Variants in SCN10A observed in about 807,000 individuals in gnomAD.
SCN10A encodes the protein sodium channel protein type 10 subunit alpha.
A neutral mutation model predicts 170.7 loss-of-function variants in SCN10A; 162 were observed. The ratio of observed to expected loss-of-function variants is 0.95; its 90% confidence interval spans 0.84 to 1.08. The LOEUF (loss-of-function observed/expected upper bound fraction) is 1.08. Ranked by LOEUF, SCN10A falls within the 50% of genes least tolerant of loss-of-function variation. The pLI is 0.00. For synonymous variants in SCN10A, 985 were observed against 904.6 expected (o/e 1.09, Z -1.59); for missense variants, 2,527 against 2,436.9 (o/e 1.04, Z -0.78).
At chr3:38,789,416 A>T (rs563577745) in intron 3 of SCN10A, among the ~76,000 whole-genome samples, 1 of 152,182 alleles carries the variant, frequency 6.6e-6, no homozygotes, top group Non-Finnish European at 1.5e-5. Context: ...CCTTTTCCAA[A>T]ATGTCCTTCT....
At chr3:38,731,196 T>G (rs2063510183) in intron 15 of SCN10A, among the ~76,000 whole-genome samples, 1 of 152,196 alleles carries the variant, frequency 6.6e-6, no homozygotes, top group South Asian at 2.1e-4. Context: ...GAATACTATC[T>G]TCACTGAAGG....
rs267599801 is a variant in SCN10A, at chr3:38,718,825, G to A, written c.3509C>T (p.Ala1170Val). 3 of 1,613,802 alleles carry A rather than the reference G, an allele frequency of 1.9e-6. No individual in the cohort carries two copies. The highest frequency in any genetic ancestry group is 1.1e-5 in the South Asian group (1 of 91,010). Reference sequence around the variant, plus strand: ...CTGGTCCAGGTAATAGTCTTCAAAGGCCTGGAAGGAAGAAAGGATGCAGAA... The same window carrying A: ...CTGGTCCAGGTAATAGTCTTCAAAGACCTGGAAGGAAGAAAGGATGCAGAA... ...FMILLSSGSL[A>V]FEDYYLDQKP... The change falls in exon 21 of 28, where the codon GCC becomes GTC. Residue 1170 changes from alanine to valine, a missense_variant and splice_region_variant. Transcript: ENST00000449082.
chr3:38,726,888 G>A lies in SCN10A; in HGVS notation c.2805C>T (p.Ser935=). Residue 935 remains serine, a synonymous_variant, in exon 17 of 28, where the codon TCC becomes TCT. Coordinates refer to ENST00000449082, the MANE Select transcript of SCN10A (RefSeq NM_006514.4). Reference sequence around the variant, plus strand: ...CTGCCTTGGGCTGGGGGAATGGGCAGGACCTGCTGAAGAAGCTGCAAAGAG... The same window carrying A: ...CTGCCTTGGGCTGGGGGAATGGGCAAGACCTGCTGAAGAAGCTGCAAAGAG... ...KQALCSFFSR[S]CPFPQPKAEP... is the part of the protein sequence containing the mutation. The A allele has an allele frequency of 6.2e-7, 1 of 1,614,236 alleles. No individual in the cohort carries two copies. Among genetic ancestry groups the A allele is most frequent in the Non-Finnish European group, 8.5e-7 (1 of 1,180,048 alleles).
intron 1 of SCN10A, among the ~76,000 whole-genome samples, chr3:38,802,850 G>T (rs991001925): frequency 6.6e-6 from 1 of 152,150 alleles, no homozygotes; most frequent in Non-Finnish European, 1.5e-5. Flanking sequence ...ACTACCATCA[G>T]AGTGAACAGG....
chr3:38,749,981 C>A (rs920314201), intron 13 of SCN10A, 92 bp downstream of exon 13: 2 of 664,174 alleles, frequency 3.0e-6, no homozygotes, highest in East Asian at 2.7e-5. Context: ...CAGAGATGGA[C>A]GCTTTGACAC....
chr3:38,791,932 T>G, intron 3 of SCN10A, 118 bp downstream of exon 3: 2 of 1,333,172 alleles, frequency 1.5e-6, no homozygotes, highest in South Asian at 1.4e-5. Context: ...AATGACCTCA[T>G]TGTACTTTTG....
chr3:38,702,164 A>T, intron 26 of SCN10A, 55 bp from the exon 27 acceptor site: 1 of 1,499,754 alleles, frequency 6.7e-7, no homozygotes, highest in African/African-American at 1.4e-5. Context: ...CAAACCAGGC[A>T]TCTGTGTTAT....
intron 4 of SCN10A, among the ~76,000 whole-genome samples, 192 bp downstream of exon 4, chr3:38,788,763 CT>C (rs2064241469): frequency 6.6e-6 from 1 of 152,076 alleles, no homozygotes; most frequent in Non-Finnish European, 1.5e-5. Flanking sequence ...CTCTTTGAAA[CT>C]GAAAATCATG....
intron 4 of SCN10A, among the ~76,000 whole-genome samples, chr3:38,777,429 T>C (rs1322126839): frequency 6.6e-6 from 1 of 151,958 alleles, no homozygotes; most frequent in Non-Finnish European, 1.5e-5. Flanking sequence ...TTATAAAATG[T>C]AGAAAAATAT....
intron 5 of SCN10A, 43 bp downstream of exon 5, chr3:38,771,236 C>T: frequency 6.2e-7 from 1 of 1,604,402 alleles, no homozygotes; most frequent in Non-Finnish European, 8.5e-7. Context: ...CATTTTGTCC[C>T]CTCTCCTATC....
rs2063867491 is a variant in SCN10A, at chr3:38,761,268, C to T, written c.807G>A (p.Lys269=). Reference sequence around the variant, plus strand: ...TGACACATTTATTTTTGAGGTTGCCCTTGAAGAGTTGCAGCCCCACCAAGG... The same window carrying T: ...TGACACATTTATTTTTGAGGTTGCCTTTGAAGAGTTGCAGCCCCACCAAGG... ...VFALVGLQLF[K]GNLKNKCVKN... The change falls in exon 7 of 28, where the codon AAG becomes AAA. Residue 269 remains lysine, a synonymous_variant. Coordinates refer to ENST00000449082, the MANE Select transcript of SCN10A (RefSeq NM_006514.4). 2 of 1,613,942 alleles carry T rather than the reference C, an allele frequency of 1.2e-6. No homozygotes were observed. Among genetic ancestry groups the T allele is most frequent in the East Asian group, 4.5e-5 (2 of 44,872 alleles).
In SCN10A at chr3:38,713,918, G is replaced by A. The variant is rs201574155; in HGVS notation, c.3804+40C>T. ...GCTGGGATTACAGGCATGAACCACC[G>A]TGCCTGGCCAGATGAGAGAAGTTTT... On this transcript the variant is annotated intron_variant, in intron 22 of 27. Transcript: ENST00000449082. 6.2e-6 allele frequency: 10 copies of A among 1,609,398 alleles called. No individual in the cohort carries two copies. The South Asian group carries it at 8.8e-5, about 14-fold the overall frequency.
intron 1 of SCN10A, among the ~76,000 whole-genome samples, chr3:38,798,846 G>A (rs1227480038): frequency 1.4e-5 from 2 of 140,440 alleles, no homozygotes; most frequent in East Asian, 4.3e-4. Context: ...CTGGAGTGCA[G>A]TGGCACAATC....
At chr3:38,725,107 C>T in intron 18 of SCN10A, 67 bp downstream of exon 18, 1 of 1,445,958 alleles carries the variant, frequency 6.9e-7, no homozygotes, top group Non-Finnish European at 9.3e-7. Context: ...CACCCTCCAG[C>T]CTCTACCAGC....
intron 16 of SCN10A, 147 bp from the exon 17 acceptor site, chr3:38,727,199 A>G: frequency 1.4e-6 from 1 of 705,066 alleles, no homozygotes; most frequent in Non-Finnish European, 2.3e-6. Context: ...GGGGGAATGG[A>G]CTTTCTGAGA....
In SCN10A at chr3:38,760,544, G is replaced by A. The variant is rs183921174; in HGVS notation, c.950+137C>T. The A allele has an allele frequency of 2.8e-5, 20 of 708,016 alleles. No individual in the cohort carries two copies. The East Asian group carries it at 5.2e-4, about 18-fold the overall frequency. The allele number at this position is 708,016 out of a possible 1,614,324, so 43.9% of individuals were successfully genotyped here. On this transcript the variant is annotated intron_variant, in intron 8 of 27. Coordinates refer to ENST00000449082, the MANE Select transcript of SCN10A (RefSeq NM_006514.4). Reference sequence around the variant, plus strand: ...TACATTCCCTCCCCATGAGCTCTGGGTTGGCAAAGGCCATGATTTATTTAT... The same window carrying A: ...TACATTCCCTCCCCATGAGCTCTGGATTGGCAAAGGCCATGATTTATTTAT...
intron 4 of SCN10A, among the ~76,000 whole-genome samples, chr3:38,774,012 T>C (rs1277666436): frequency 6.6e-6 from 1 of 152,214 alleles, no homozygotes; most frequent in Non-Finnish European, 1.5e-5. Context: ...ATTGCTGTTT[T>C]TTTTGTCAGA....
At chr3:38,808,752 G>T (rs2064421835) in intron 1 of SCN10A, among the ~76,000 whole-genome samples, 1 of 152,210 alleles carries the variant, frequency 6.6e-6, no homozygotes, top group Middle Eastern at 3.2e-3. Flanking sequence ...GCCTTCTCTT[G>T]TGAAGAAAGA....
Position 38,728,715 on chromosome 3 carries a change from G to T in SCN10A, c.2467C>A (p.Pro823Thr). Reference protein sequence around the residue: ...YRNNRKNISAPHEDWPRWHMH... With the variant: ...YRNNRKNISATHEDWPRWHMH... ...TGCCAGCGGGGCCAGTCTTCATGGGGCGCGGAGATATTTTTTCGGTTGTTA... is the reference window on the plus strand; with the variant it reads ...TGCCAGCGGGGCCAGTCTTCATGGGTCGCGGAGATATTTTTTCGGTTGTTA... The change falls in exon 16 of 28, where the codon CCC becomes ACC. Residue 823 changes from proline (P) to threonine (T), a missense_variant. By Grantham distance (38) the Pro-to-Thr change is conservative (BLOSUM62 -1). Coordinates refer to ENST00000449082, the MANE Select transcript of SCN10A (RefSeq NM_006514.4). 1 of 1,614,158 alleles carries T rather than the reference G, an allele frequency of 6.2e-7. No homozygotes were observed. Among genetic ancestry groups the T allele is most frequent in the South Asian group, 1.1e-5 (1 of 91,080 alleles).
Sources: gnomAD v4.1 joint callset for allele counts (sites outside exome capture counted in the v4.1 genomes callset) on GRCh38, gnomAD v4.1.1 for gene constraint, MANE v1.5 for transcripts, NCBI Gene and HGNC (gene_info 2026-07-23, HGNC 2026-07-21) for gene names.